SYT16: variants seen among roughly 807,000 people sequenced by gnomAD.
SYT16 encodes synaptotagmin-16.
SYT16 carries 42 observed loss-of-function variants against 61.4 expected under a neutral mutation model. The observed-to-expected ratio is 0.68, with a 90% CI of 0.53 to 0.89. SYT16 has a LOEUF of 0.89. Among genes scored for constraint, SYT16 ranks in the 40% least tolerant of loss-of-function variants. The probability of loss-of-function intolerance (pLI) is 0.00; values close to 1 mark genes in which losing one functional copy is unlikely to be tolerated. For missense variants in SYT16, 804 were observed against 807.3 expected (o/e 1.00, Z 0.05); for synonymous variants, 314 against 302.3 (o/e 1.04, Z -0.40).
chr14:62,064,330 A>G (rs2055960957), intron 3 of SYT16, among the ~76,000 whole-genome samples: 1 of 115,656 alleles, frequency 8.6e-6, no homozygotes, highest in Non-Finnish European at 1.7e-5. Context: ...CAAACTTTAA[A>G]TTTGAAAAAA....
chr14:61,908,065 T>A (rs1259851047), intron 1 of SYT16, among the ~76,000 whole-genome samples: 1 of 152,242 alleles, frequency 6.6e-6, no homozygotes, highest in African/African-American at 2.4e-5. Context: ...AGTCCTCACC[T>A]GAGTAAGGTG....
intron 1 of SYT16, among the ~76,000 whole-genome samples, chr14:61,931,545 T>C (rs2140427013): frequency 6.6e-6 from 1 of 152,344 alleles, no homozygotes; most frequent in Admixed American, 6.5e-5. Context: ...TTAAAATCCA[T>C]TCTTCATTTT....
chr14:61,975,662 C>T (rs1486890898), intron 2 of SYT16, among the ~76,000 whole-genome samples: 5 of 152,142 alleles, frequency 3.3e-5, no homozygotes, highest in South Asian at 2.1e-4. Flanking sequence ...ATTACCTCCA[C>T]CTAGTTTCTC....
intron 3 of SYT16, among the ~76,000 whole-genome samples, chr14:61,999,499 A>T (rs1399082047): frequency 6.6e-6 from 1 of 150,684 alleles, no homozygotes; most frequent in Non-Finnish European, 1.5e-5. Context: ...TTTGTTGTTG[A>T]TCTGTCTGGC....
At chr14:62,038,850 T>A (rs1302831322) in intron 3 of SYT16, among the ~76,000 whole-genome samples, 2 of 152,232 alleles carry the variant, frequency 1.3e-5, no homozygotes, top group Non-Finnish European at 2.9e-5. Context: ...ATATTGTAAG[T>A]TTTAAATGGA....
chr14:61,859,065 T>C (rs1404590572), intron 1 of SYT16, among the ~76,000 whole-genome samples: 9 of 151,838 alleles, frequency 5.9e-5, no homozygotes, highest in Admixed American at 2.0e-4. Flanking sequence ...TTCACCATGT[T>C]AGCCAGGATG....
At chr14:62,063,412 G>A (rs2055915710) in intron 3 of SYT16, among the ~76,000 whole-genome samples, 1 of 152,152 alleles carries the variant, frequency 6.6e-6, no homozygotes, top group Non-Finnish European at 1.5e-5. Context: ...ATATGCTAAG[G>A]CCTTTACGTG....
At chr14:62,099,921 T>G (rs2057377345) in intron 7 of SYT16, among the ~76,000 whole-genome samples, 1 of 151,912 alleles carries the variant, frequency 6.6e-6, no homozygotes, top group Non-Finnish European at 1.5e-5. Context: ...CACACACACA[T>G]GCACACACAC....
chr14:62,089,092 C>CA (rs1457457578), intron 7 of SYT16, among the ~76,000 whole-genome samples: 1 of 151,818 alleles, frequency 6.6e-6, no homozygotes, highest in East Asian at 1.9e-4. Context: ...CCCAGGTGGG[C>CA]AGATCACCTG....
Position 62,081,257 on chromosome 14 carries a change from C to T in SYT16, c.1417C>T (p.Pro473Ser). 6.2e-7 allele frequency: 1 copy of T among 1,613,494 alleles called. No individual in the cohort carries two copies. The highest frequency in any genetic ancestry group is 8.5e-7 in the Non-Finnish European group (1 of 1,179,690). ...GEMKVTLVLE[P>S]RSNISSGGSP... ...AATGAAAGTGACTCTGGTTCTGGAG[C>T]CAAGAAGTAATATAAGCGTGAGTAT... Residue 473 changes from proline to serine, a missense_variant, in exon 6 of 8, where the codon CCA becomes TCA. Pro to Ser is a moderately conservative substitution (Grantham distance 74). Transcript: ENST00000683842.
chr14:61,886,699 C>T (rs28647221), intron 1 of SYT16, among the ~76,000 whole-genome samples: 214 of 152,312 alleles, frequency 1.4e-3, no homozygotes, highest in African/African-American at 5.1e-3. Flanking sequence ...AAAAGTCATT[C>T]ATAAGGGTTG....
chr14:61,823,495 G>A (rs943501390), intron 1 of SYT16, among the ~76,000 whole-genome samples: 24 of 149,726 alleles, frequency 1.6e-4, no homozygotes, highest in Non-Finnish European at 2.8e-4. Context: ...TTGGGAGGCC[G>A]AGGTGGGCAG....
chr14:61,899,932 T>C (rs1309637644), intron 1 of SYT16, among the ~76,000 whole-genome samples: 1 of 152,138 alleles, frequency 6.6e-6, no homozygotes, highest in Admixed American at 6.5e-5. Flanking sequence ...ATCTAAAAAA[T>C]GGAAGAAGGG....
chr14:61,896,580 G>C (rs963478879), intron 1 of SYT16, among the ~76,000 whole-genome samples: 1 of 152,284 alleles, frequency 6.6e-6, no homozygotes, highest in Admixed American at 6.5e-5. Flanking sequence ...GGTGGTGGTG[G>C]TAAGGCCAGA....
At chr14:61,952,453 G>A (rs146337420) in intron 1 of SYT16, among the ~76,000 whole-genome samples, 14 of 152,274 alleles carry the variant, frequency 9.2e-5, no homozygotes, top group African/African-American at 3.4e-4. Context: ...CTGCTTCTGA[G>A]CCTACATCTG....
chr14:61,868,937 C>A (rs560590599), intron 1 of SYT16, among the ~76,000 whole-genome samples: 3 of 152,148 alleles, frequency 2.0e-5, no homozygotes, highest in South Asian at 4.1e-4. Context: ...CTAATTCCAT[C>A]AGCATTTGCT....
At chr14:62,012,585 G>T (rs2053512595) in intron 3 of SYT16, among the ~76,000 whole-genome samples, 1 of 152,138 alleles carries the variant, frequency 6.6e-6, no homozygotes, top group Non-Finnish European at 1.5e-5. Flanking sequence ...AGAAAATGGG[G>T]CTCAGGGGGG....
intron 1 of SYT16, among the ~76,000 whole-genome samples, chr14:61,827,365 T>C (rs888298079): frequency 6.6e-6 from 1 of 152,222 alleles, no homozygotes; most frequent in Non-Finnish European, 1.5e-5. Context: ...TGAAGAAAGA[T>C]GGTGAGACTT....
chr14:61,832,446 T>G (rs1257727104), intron 1 of SYT16: 1 of 427,626 alleles, frequency 2.3e-6, no homozygotes, highest in South Asian at 1.8e-5. Flanking sequence ...TTTGTTTTTT[T>G]CTTTTCCGAG....
Sources: allele counts gnomAD v4.1 joint callset (sites outside exome capture counted in the v4.1 genomes callset), GRCh38; gene constraint gnomAD v4.1.1; transcripts MANE v1.5; gene names NCBI Gene and HGNC (gene_info 2026-07-23, HGNC 2026-07-21).